Variants in KANK4 observed in about 807,000 individuals in gnomAD.
KANK4 encodes the protein KN motif and ankyrin repeat domains 4, also known as KN motif and ankyrin repeat domain-containing protein 4.
A neutral mutation model predicts 80.8 loss-of-function variants in KANK4; 50 were observed. The observed-to-expected ratio is 0.62, with a 90% CI of 0.49 to 0.78. The LOEUF (loss-of-function observed/expected upper bound fraction) is 0.78. KANK4 is among the 30% of genes least tolerant of loss of function. The probability of loss-of-function intolerance (pLI) is 0.00; values close to 1 mark genes in which losing one functional copy is unlikely to be tolerated. For missense variants in KANK4, 1,196 were observed against 1,240.1 expected, an observed-to-expected ratio of 0.96 and a Z score of 0.53; for synonymous variants, 465 against 506.9, an observed-to-expected ratio of 0.92 and a Z score of 1.11.
chr1:62,300,785 C>T (rs1644405613), intron 1 of KANK4, among the ~76,000 whole-genome samples: 3 of 151,954 alleles, frequency 2.0e-5, no homozygotes, highest in Non-Finnish European at 4.4e-5. Context: ...GCGTATGTCC[C>T]CAGATTCTGG....
chr1:62,251,026 T>C (rs959774035), intron 8 of KANK4, among the ~76,000 whole-genome samples: 17 of 152,372 alleles, frequency 1.1e-4, no homozygotes, highest in Admixed American at 2.0e-4. Context: ...CACCACAATC[T>C]GCCCTTTTGC....
chr1:62,275,190 T>C, intron 2 of KANK4, 103 bp from the exon 3 acceptor site: 1 of 849,720 alleles, frequency 1.2e-6, no homozygotes, highest in Non-Finnish European at 1.8e-6. Flanking sequence ...CGCTGTCACT[T>C]GAGACTTCTT....
intron 4 of KANK4, among the ~76,000 whole-genome samples, chr1:62,269,152 G>A (rs138717174): frequency 0.012 from 1,802 of 152,330 alleles, 31 homozygotes; most frequent in Middle Eastern, 0.068. Flanking sequence ...CACTTGACTC[G>A]TGGCCCTCTT....
At chr1:62,294,287 T>G (rs1325738) in intron 1 of KANK4, among the ~76,000 whole-genome samples, 258 of 152,150 alleles carry the variant, frequency 1.7e-3, no homozygotes, top group African/African-American at 5.7e-3. Flanking sequence ...GAAACCACAA[T>G]TTGGAGTAAA....
chr1:62,238,247 T>C lies in KANK4; in HGVS notation c.*30A>G, dbSNP rs1165652294. 1 of 1,542,028 alleles carries C rather than the reference T, an allele frequency of 6.5e-7. No individual in the cohort carries two copies. Among genetic ancestry groups the C allele is most frequent in the East Asian group, 2.2e-5 (1 of 44,500 alleles). On this transcript the variant is annotated 3_prime_UTR_variant, in exon 10 of 10. Coordinates refer to ENST00000371153, the MANE Select transcript of KANK4 (RefSeq NM_181712.5). ...GGAGGAGTCCAGAGAAGAAGGCTTT[T>C]GTTCCCCACGGCCAGTTCTTCTGCA... is the stretch of plus-strand genomic sequence containing the variant.
Position 62,273,851 on chromosome 1 carries a change from G to A in KANK4, c.1253C>T (p.Pro418Leu). The A allele has an allele frequency of 6.2e-7, 1 of 1,614,200 alleles. No homozygotes were observed. Residue 418 changes from proline to leucine, a missense_variant, in exon 3 of 10, where the codon CCT becomes CTT. Pro to Leu is a moderately conservative substitution (Grantham distance 98). Transcript: ENST00000371153. ...CTCCCTGGTCAAGAGTCCATGGACA[G>A]GGTCAGTGTTCACCATCACGTCCGT... ...GQTDVMVNTD[P>L]VHGLLTRESC... is the part of the protein sequence containing the mutation.
chr1:62,271,517 C>T lies in KANK4; in HGVS notation c.1973G>A (p.Gly658Glu), dbSNP rs1557486607. ...AACAAACTGAAGGTTCTTTTTGGTC[C>T]CATTACCTCCTGCACGGAAGCCATA... ...KDYGFRAGGN[G>E]TKKNLQFVGV... The change falls in exon 4 of 10, where the codon GGG becomes GAG. Residue 658 changes from glycine to glutamate, a missense_variant. Physicochemically the swap from Gly to Glu is moderately conservative, Grantham distance 98. Coordinates refer to ENST00000371153, the MANE Select transcript of KANK4 (RefSeq NM_181712.5). 1 of 1,614,016 alleles carries T rather than the reference C, an allele frequency of 6.2e-7. No homozygotes were observed.
chr1:62,293,174 G>A lies in KANK4; in HGVS notation c.-70-11540C>T, dbSNP rs528373831. 7.9e-5 allele frequency among the ~76,000 whole-genome samples: 12 copies of A among 151,606 alleles called. No individual in the cohort carries two copies. The South Asian group carries it at 2.5e-3, about 32-fold the overall frequency. ...ACAATCTCGGCTCACTGCAACCTCT[G>A]CCTCCCAAGTTCAAGTGATTCTCCT... On this transcript the variant is annotated intron_variant, in intron 1 of 9. Coordinates refer to ENST00000371153, the MANE Select transcript of KANK4 (RefSeq NM_181712.5).
intron 1 of KANK4, among the ~76,000 whole-genome samples, chr1:62,289,669 T>C (rs930982159): frequency 9.6e-6 from 1 of 104,626 alleles, no homozygotes; most frequent in Non-Finnish European, 2.7e-5. Flanking sequence ...ACATGTGATT[T>C]CTTTCCTTGG....
chr1:62,293,110 C>T (rs1347687866), intron 1 of KANK4, among the ~76,000 whole-genome samples: 3 of 145,842 alleles, frequency 2.1e-5, no homozygotes, highest in African/African-American at 7.5e-5. Flanking sequence ...GTGTGTGAGA[C>T]AGAGTGTCAC....
At chr1:62,311,134 A>G (rs1644494459) in intron 1 of KANK4, among the ~76,000 whole-genome samples, 1 of 152,140 alleles carries the variant, frequency 6.6e-6, no homozygotes. Context: ...TATGGCAGCC[A>G]GAGCTTTCCC....
intron 5 of KANK4, among the ~76,000 whole-genome samples, chr1:62,267,919 G>C (rs764675424): frequency 6.6e-6 from 1 of 152,128 alleles, no homozygotes. Context: ...TGCTAGCTGC[G>C]TCCCCACACT....
rs1321882492 is a variant in KANK4, at chr1:62,256,042, A to G, written c.2540-2833T>C. On this transcript the variant is annotated intron_variant, in intron 7 of 9. Coordinates refer to ENST00000371153, the MANE Select transcript of KANK4 (RefSeq NM_181712.5). ...GACAGCTTTGAATGTGGCCCAACAC[A>G]AATTCATAAAGTTTCTTAAAGCATT... Among the ~76,000 whole-genome samples the G allele has an allele frequency of 2.0e-5, 3 of 152,198 alleles. No homozygotes were observed. The East Asian group carries it at 5.8e-4, about 29-fold the overall frequency.
rs190778736 is a variant in KANK4, at chr1:62,311,376, C to T, written c.-71+7730G>A. Among the ~76,000 whole-genome samples the T allele has an allele frequency of 1.3e-3, 205 of 152,126 alleles. 1 individual carries two copies. Among genetic ancestry groups the T allele is most frequent in the Non-Finnish European group, 2.6e-3 (177 of 67,994 alleles). ...ACTGCTATATTCAAAGGTCTTGGCA[C>T]GGTGTCTGGCACAAGTTCGATAAAA... is the stretch of plus-strand genomic sequence containing the variant. On this transcript the variant is annotated intron_variant, in intron 1 of 9. Coordinates refer to ENST00000371153, the MANE Select transcript of KANK4 (RefSeq NM_181712.5).
rs922156734 is a variant in KANK4, at chr1:62,236,899, A to G, written c.*1378T>C. ...GCGTGAACCACCGCGCTCGGCCACA[A>G]ATTGGATTTTGAAACTTCCATCAGC... is the stretch of plus-strand genomic sequence containing the variant. On this transcript the variant is annotated 3_prime_UTR_variant, in exon 10 of 10. Transcript: ENST00000371153. The G allele has an allele frequency of 2.0e-5, 3 of 152,008 alleles. No homozygotes were observed. The highest frequency in any genetic ancestry group is 7.3e-5 in the African/African-American group (3 of 41,374). 9.4% of individuals were successfully genotyped at this position (152,008 alleles called of 1,614,324 possible).
At chr1:62,293,534 T>C (rs1376428212) in intron 1 of KANK4, among the ~76,000 whole-genome samples, 1 of 152,206 alleles carries the variant, frequency 6.6e-6, no homozygotes, top group African/African-American at 2.4e-5. Flanking sequence ...TACATGGGAA[T>C]TCATTTTTAT....
chr1:62,253,633 C>T (rs555815252), intron 7 of KANK4, among the ~76,000 whole-genome samples: 19 of 152,110 alleles, frequency 1.2e-4, no homozygotes, highest in African/African-American at 4.3e-4. Context: ...AGGCTGGTCC[C>T]GAACTCCTGA....
At position 62,283,361 on chromosome 1, in the gene KANK4, A is replaced by G. The variant is rs114154249; in HGVS notation, c.-70-1727T>C. ...CCCAAAGAGGATTATTATTATTCCTATTTTTAAGGGAGGGAGACTGAGGCT... is the reference window on the plus strand; with the variant it reads ...CCCAAAGAGGATTATTATTATTCCTGTTTTTAAGGGAGGGAGACTGAGGCT... On this transcript the variant is annotated intron_variant, in intron 1 of 9. Transcript: ENST00000371153. Among the ~76,000 whole-genome samples the G allele has an allele frequency of 5.7e-3, 870 of 152,256 alleles. 5 individuals carry two copies. Among genetic ancestry groups the G allele is most frequent in the African/African-American group, 0.019 (810 of 41,544 alleles).
Position 62,237,943 on chromosome 1 carries a change from C to T in KANK4, c.*334G>A, listed in dbSNP as rs534032199. Reference sequence around the variant, plus strand: ...TTTCTAATGTGCTAATGTGCTCCTGCCTGCCTGCTTGCTACACAATGTTAC... The same window carrying T: ...TTTCTAATGTGCTAATGTGCTCCTGTCTGCCTGCTTGCTACACAATGTTAC... On this transcript the variant is annotated 3_prime_UTR_variant, in exon 10 of 10. Coordinates refer to ENST00000371153, the MANE Select transcript of KANK4 (RefSeq NM_181712.5). 6.6e-5 allele frequency: 15 copies of T among 226,620 alleles called. No individual in the cohort carries two copies. In the South Asian group the frequency reaches 2.4e-3, roughly 36 times the overall value. The allele number at this position is 226,620 out of a possible 1,614,324, so 14.0% of individuals were successfully genotyped here. A position where few individuals can be genotyped will look rare whatever the true frequency, so the allele number is the denominator to read the frequency against.
Sources: gnomAD v4.1 joint callset for allele counts (sites outside exome capture counted in the v4.1 genomes callset) on GRCh38, gnomAD v4.1.1 for gene constraint, MANE v1.5 for transcripts, NCBI Gene and HGNC (gene_info 2026-07-23, HGNC 2026-07-21) for gene names.